The following WNK1 variants were observed in gnomAD, a reference collection of about 807,000 sequenced individuals.
WNK1 encodes the protein serine/threonine-protein kinase WNK1.
A neutral mutation model predicts 222.8 loss-of-function variants in WNK1; 38 were observed. The observed-to-expected ratio is 0.17, with a 90% CI of 0.13 to 0.22. WNK1 has a LOEUF of 0.22. WNK1 is among the 10% of genes least tolerant of loss of function. WNK1 has a pLI of 1.00. For missense variants in WNK1, 2,348 were observed against 2,918.4 expected (o/e 0.80, Z 4.50); for synonymous variants, 1,090 against 1,092.9 (o/e 1.00, Z 0.05).
At chr12:899,934 C>T (rs972857201) in intron 25 of WNK1, among the ~76,000 whole-genome samples, 21 of 151,512 alleles carry the variant, frequency 1.4e-4, no homozygotes, top group African/African-American at 5.1e-4. Context: ...TTACGCTGCT[C>T]AGACATGTGG....
intron 1 of WNK1, among the ~76,000 whole-genome samples, chr12:763,589 C>CA (rs66873249): frequency 0.54 from 74,542 of 137,626 alleles, 24,099 homozygotes; most frequent in East Asian, 0.86. Context: ...AACTCTGTCT[C>CA]AAAAAAAAAA....
In WNK1 at chr12:881,797, A is replaced by G. The variant is rs775954833; in HGVS notation, c.3209+8A>G. 15 of 1,614,114 alleles carry G rather than the reference A, an allele frequency of 9.3e-6. No individual in the cohort carries two copies. In the South Asian group the frequency reaches 1.5e-4, roughly 17 times the overall value. On this transcript the variant is annotated splice_region_variant and intron_variant, in intron 13 of 27. Transcript: ENST00000315939. The stretch of plus-strand genomic sequence containing the variant: ...GGCTTCCTCTGTAGACAGGTACGTA[A>G]AACTAGAATTCTCCTTCCTTGACTG...
At chr12:883,892 G>A (rs1247470548) in intron 17 of WNK1, 61 bp downstream of exon 17, 3 of 1,592,052 alleles carry the variant, frequency 1.9e-6, no homozygotes, top group African/African-American at 1.3e-5. Flanking sequence ...GCCGAGGGTG[G>A]TGGCAGGCTT....
At chr12:776,955 A>T (rs898983501) in intron 1 of WNK1, among the ~76,000 whole-genome samples, 3 of 152,206 alleles carry the variant, frequency 2.0e-5, no homozygotes, top group Non-Finnish European at 4.4e-5. Flanking sequence ...CAGAGTAGCT[A>T]TTCATTCAGA....
At chr12:893,843 A>ATAATAG (rs1954502907) in intron 22 of WNK1, among the ~76,000 whole-genome samples, 2 of 150,404 alleles carry the variant, frequency 1.3e-5, no homozygotes, top group South Asian at 4.2e-4. Context: ...AATAATAATA[A>ATAATAG]TAATTCTGAG....
chr12:840,579 C>T (rs1358067993), intron 4 of WNK1, among the ~76,000 whole-genome samples: 1 of 152,184 alleles, frequency 6.6e-6, no homozygotes, highest in Non-Finnish European at 1.5e-5. Context: ...TTATTTATGG[C>T]TGTTTTCACA....
chr12:779,371 CCTTTCTTTT>C (rs1286907231), intron 1 of WNK1, among the ~76,000 whole-genome samples: 11 of 150,144 alleles, frequency 7.3e-5, no homozygotes, highest in Non-Finnish European at 1.0e-4. Flanking sequence ...ATTTTCTTTG[CCTTTCTTTT>C]CTTTCTTTTC....
Position 753,451 on chromosome 12 carries a change from G to A in WNK1, c.-115G>A. 1 of 1,426,270 alleles carries A rather than the reference G, an allele frequency of 7.0e-7. No homozygotes were observed. Among genetic ancestry groups the A allele is most frequent in the Non-Finnish European group, 9.5e-7 (1 of 1,047,362 alleles). The allele number at this position is 1,426,270 out of a possible 1,614,324, so 88.4% of individuals were successfully genotyped here. Reference sequence around the variant, plus strand: ...TGCTGAGTGAGGCGTCGTCCGGGTCGGCGCGAACCCGCCCGGCCGCGGTTC... The same window carrying A: ...TGCTGAGTGAGGCGTCGTCCGGGTCAGCGCGAACCCGCCCGGCCGCGGTTC... On this transcript the variant is annotated 5_prime_UTR_variant, in exon 1 of 28. Coordinates refer to ENST00000315939, the MANE Select transcript of WNK1 (RefSeq NM_018979.4). The surrounding 1 kb of genome is among the most constrained non-coding windows in gnomAD (Gnocchi z 5.2).
At chr12:895,440 A>C (rs12425736) in intron 23 of WNK1, among the ~76,000 whole-genome samples, 2,434 of 151,830 alleles carry the variant, frequency 0.016, 65 homozygotes, top group African/African-American at 0.055. Context: ...ATTTACTTTT[A>C]TTTTATTTTT....
At chr12:805,985 A>G (rs1307390392) in intron 1 of WNK1, among the ~76,000 whole-genome samples, 1 of 152,206 alleles carries the variant, frequency 6.6e-6, no homozygotes, top group African/African-American at 2.4e-5. Flanking sequence ...AGAAAATGCT[A>G]ACTTCTCCTG....
At chr12:826,080 C>T (rs1948335409) in intron 2 of WNK1, among the ~76,000 whole-genome samples, 1 of 152,138 alleles carries the variant, frequency 6.6e-6, no homozygotes, top group Admixed American at 6.5e-5. Context: ...ATTTAGGGCT[C>T]TCCTTTGGTG....
At chr12:803,652 G>A (rs113506905) in intron 1 of WNK1, among the ~76,000 whole-genome samples, 5 of 152,234 alleles carry the variant, frequency 3.3e-5, no homozygotes, top group African/African-American at 4.8e-5. Context: ...CAGGAGAATC[G>A]CTTGAACCCA....
In WNK1 at chr12:862,090, G is replaced by T; in HGVS notation, c.1959G>T (p.Gly653=). 6.2e-7 allele frequency: 1 copy of T among 1,613,868 alleles called. No individual in the cohort carries two copies. Among genetic ancestry groups the T allele is most frequent in the African/African-American group, 1.3e-5 (1 of 74,954 alleles). Residue 653 remains glycine, a synonymous_variant, in exon 8 of 28, where the codon GGG becomes GGT. Coordinates refer to ENST00000315939, the MANE Select transcript of WNK1 (RefSeq NM_018979.4). ...QQPSISVLSD[G]TVDSGQGSSV... ...GATTCATTTTTCCTTCAGCTGATGG[G>T]ACGGTTGACAGTGGTCAGGGATCCT...
intron 1 of WNK1, among the ~76,000 whole-genome samples, chr12:756,705 C>T (rs1014728696): frequency 4.6e-5 from 7 of 152,136 alleles, no homozygotes; most frequent in African/African-American, 1.4e-4. Flanking sequence ...ATAAAATATT[C>T]AGTGGGTCAG....
At chr12:781,859 A>G (rs11064527) in intron 1 of WNK1, among the ~76,000 whole-genome samples, 1 of 151,902 alleles carries the variant, frequency 6.6e-6, no homozygotes, top group African/African-American at 2.4e-5. Context: ...AGTCTTCTCT[A>G]GTTCTGTCAG....
chr12:796,560 G>C (rs1189815076), intron 1 of WNK1, among the ~76,000 whole-genome samples: 1 of 152,198 alleles, frequency 6.6e-6, no homozygotes, highest in African/African-American at 2.4e-5. Context: ...ACAGGCATGA[G>C]CCACTGCGCC....
intron 1 of WNK1, among the ~76,000 whole-genome samples, chr12:787,126 C>T (rs1031156141): frequency 4.6e-5 from 7 of 152,170 alleles, no homozygotes; most frequent in Middle Eastern, 3.4e-3. Flanking sequence ...TTTAAAACAC[C>T]TACATATTAG....
chr12:827,695 A>G lies in WNK1; in HGVS notation c.1153+433A>G, dbSNP rs770052374. 5.3e-5 allele frequency among the ~76,000 whole-genome samples: 8 copies of G among 151,848 alleles called. No individual in the cohort carries two copies. The highest frequency in any genetic ancestry group is 8.8e-5 in the Non-Finnish European group (6 of 67,950). On this transcript the variant is annotated intron_variant, in intron 3 of 27. Transcript: ENST00000315939. This position sits in a 1 kb window ranked among gnomAD's most constrained non-coding sequence, Gnocchi z 4.6. ...AGGCATGCATCACCATGCCTGGCTA[A>G]TTTTTGTATTTTTAGTAGAAATGGG...
At chr12:870,834 G>T (rs1290053091) in intron 8 of WNK1, among the ~76,000 whole-genome samples, 3 of 152,178 alleles carry the variant, frequency 2.0e-5, no homozygotes, top group Non-Finnish European at 4.4e-5. Context: ...TTTGATAAAA[G>T]TCATTGTGGC....
Sources: allele counts gnomAD v4.1 joint callset (sites outside exome capture counted in the v4.1 genomes callset), GRCh38; gene constraint gnomAD v4.1.1; non-coding constraint Gnocchi (gnomAD v3.1); transcripts MANE v1.5; gene names NCBI Gene and HGNC (gene_info 2026-07-23, HGNC 2026-07-21).